Variants in CIMIP7 observed in about 807,000 individuals in gnomAD.
CIMIP7 encodes the protein ciliary microtubule inner protein 7.
the CIMIP7 span, chr3:49,177,978 C>T: frequency 1.9e-6 from 3 of 1,613,216 alleles, no homozygotes; most frequent in South Asian, 2.2e-5. Context: ...GTGCCCAGCG[C>T]AGGAAGGTGT....
chr3:49,184,472 C>T, the CIMIP7 span, among the ~76,000 whole-genome samples: 2 of 152,100 alleles, frequency 1.3e-5, no homozygotes, highest in South Asian at 4.1e-4. Context: ...CAGGCATGTG[C>T]CACCACACTG....
At chr3:49,184,980 G>C in the CIMIP7 span, among the ~76,000 whole-genome samples, 1 of 151,066 alleles carries the variant, frequency 6.6e-6, no homozygotes, top group Non-Finnish European at 1.5e-5. Context: ...GATTGATTTA[G>C]AAATGGGGGC....
At chr3:49,183,421 C>T in the CIMIP7 span, among the ~76,000 whole-genome samples, 1 of 152,144 alleles carries the variant, frequency 6.6e-6, no homozygotes, top group Non-Finnish European at 1.5e-5. Flanking sequence ...GGTGGCTCAT[C>T]CTGTAATCCC....
the CIMIP7 span, among the ~76,000 whole-genome samples, chr3:49,182,281 G>A: frequency 1.3e-5 from 2 of 152,164 alleles, no homozygotes; most frequent in African/African-American, 2.4e-5. Flanking sequence ...CTGATTGGTA[G>A]AGCCCAGTAG....
the CIMIP7 span, among the ~76,000 whole-genome samples, chr3:49,179,921 T>G: frequency 6.6e-6 from 1 of 152,004 alleles, no homozygotes; most frequent in South Asian, 2.1e-4. Flanking sequence ...GTGGATCACC[T>G]GAGGTCAGGA....
At chr3:49,187,293 G>C in the CIMIP7 span, among the ~76,000 whole-genome samples, 1 of 152,160 alleles carries the variant, frequency 6.6e-6, no homozygotes, top group Non-Finnish European at 1.5e-5. Flanking sequence ...AAAATCCATG[G>C]TTTCTGAGCA....
At chr3:49,186,745 C>T in the CIMIP7 span, among the ~76,000 whole-genome samples, 2 of 149,670 alleles carry the variant, frequency 1.3e-5, no homozygotes, top group East Asian at 1.9e-4. Context: ...TACACACACA[C>T]GCACGCACGC....
At chr3:49,188,968 T>A in the CIMIP7 span, among the ~76,000 whole-genome samples, 576 of 151,390 alleles carry the variant, frequency 3.8e-3, 1 homozygote, top group Non-Finnish European at 6.0e-3. Flanking sequence ...CCGGTTATTT[T>A]TTTTTTTTTT....
At chr3:49,186,646 G>T in the CIMIP7 span, among the ~76,000 whole-genome samples, 2 of 151,636 alleles carry the variant, frequency 1.3e-5, no homozygotes, top group Non-Finnish European at 2.9e-5. Flanking sequence ...CTCGTGATCC[G>T]CCTGCCTTGG....
the CIMIP7 span, among the ~76,000 whole-genome samples, chr3:49,180,433 C>T: frequency 6.6e-6 from 1 of 152,180 alleles, no homozygotes; most frequent in Non-Finnish European, 1.5e-5. Flanking sequence ...TTGTGCTTGG[C>T]TTCTGCCTGC....
chr3:49,182,043 C>T, the CIMIP7 span, among the ~76,000 whole-genome samples: 45 of 152,240 alleles, frequency 3.0e-4, no homozygotes, highest in African/African-American at 9.9e-4. Flanking sequence ...TTCGTTCCTC[C>T]GGGTGGGTTC....
the CIMIP7 span, among the ~76,000 whole-genome samples, chr3:49,178,878 C>T: frequency 6.6e-6 from 1 of 152,030 alleles, no homozygotes; most frequent in African/African-American, 2.4e-5. Flanking sequence ...GGACTCTAGT[C>T]CTCTCCTCCC....
chr3:49,190,470 G>A, the CIMIP7 span, among the ~76,000 whole-genome samples: 2 of 151,506 alleles, frequency 1.3e-5, no homozygotes, highest in South Asian at 4.2e-4. Flanking sequence ...AGCCTGAGAA[G>A]AAATCCCCTT....
At chr3:49,189,775 AC>A in the CIMIP7 span, 1 of 620,312 alleles carries the variant, frequency 1.6e-6, no homozygotes. Context: ...GCCTGTAGCT[AC>A]CCACCCCGGC....
the CIMIP7 span, among the ~76,000 whole-genome samples, chr3:49,179,875 C>A: frequency 6.6e-6 from 1 of 152,146 alleles, no homozygotes; most frequent in Non-Finnish European, 1.5e-5. Flanking sequence ...CGGTGGCTCA[C>A]ACCTGTAATC....
chr3:49,178,686 C>A, the CIMIP7 span: 176 of 655,388 alleles, frequency 2.7e-4, no homozygotes, highest in Non-Finnish European at 3.8e-4. Context: ...AGACAGAGGG[C>A]AGAGACTAAT....
chr3:49,178,645 G>T, the CIMIP7 span: 1 of 879,262 alleles, frequency 1.1e-6, no homozygotes, highest in Non-Finnish European at 1.8e-6. Context: ...GTCACCAGGA[G>T]CCACTGCCCC....
chr3:49,180,043 C>T, the CIMIP7 span, among the ~76,000 whole-genome samples: 11 of 152,238 alleles, frequency 7.2e-5, no homozygotes, highest in South Asian at 2.1e-4. Context: ...GAGGCCGAGG[C>T]GGACAGATCA....
the CIMIP7 span, among the ~76,000 whole-genome samples, chr3:49,185,950 G>T: frequency 1.3e-5 from 2 of 151,302 alleles, no homozygotes; most frequent in Admixed American, 6.6e-5. Flanking sequence ...CTCCCAAAGT[G>T]CAGGGATTAT....
Sources: allele counts gnomAD v4.1 joint callset (sites outside exome capture counted in the v4.1 genomes callset), GRCh38; gene constraint gnomAD v4.1.1; transcripts MANE v1.5; gene names NCBI Gene and HGNC (gene_info 2026-07-23, HGNC 2026-07-21).